MYH10: variants seen among roughly 807,000 people sequenced by gnomAD.
MYH10 encodes myosin-10.
In MYH10, 55 loss-of-function variants were observed where a neutral mutation model predicts 257.8. The ratio of observed to expected loss-of-function variants is 0.21; its 90% CI spans 0.17 to 0.27. The LOEUF (loss-of-function observed/expected upper bound fraction) is 0.27. Among genes scored for constraint, MYH10 ranks in the 10% least tolerant of loss-of-function variants. The pLI is 1.00. For missense variants in MYH10, 1,631 were observed against 2,500.6 expected (o/e 0.65, Z 7.42); for synonymous variants, 854 against 921.7 (o/e 0.93, Z 1.33).
Position 8,500,755 on chromosome 17 carries a change from G to A in MYH10, c.3744+71C>T. On this transcript the variant is annotated intron_variant, in intron 29 of 42. Transcript: ENST00000360416. ...ATCAATACATGACTGAACAGAACGGGCAGATAGGATGGGAGTGGCTCTGAC... is the reference window on the plus strand; with the variant it reads ...ATCAATACATGACTGAACAGAACGGACAGATAGGATGGGAGTGGCTCTGAC... 3 of 1,546,128 alleles carry A rather than the reference G, an allele frequency of 1.9e-6. 1 individual carries two copies. The highest frequency in any genetic ancestry group is 2.6e-6 in the Non-Finnish European group (3 of 1,145,818).
rs112386912 is a variant in MYH10 at position 8,601,354 on chromosome 17, G to C, written c.502+3472C>G. 9.1e-3 allele frequency among the ~76,000 whole-genome samples: 1,383 copies of C among 152,292 alleles called. 31 individuals are homozygous for C. The highest frequency in any genetic ancestry group is 0.031 in the African/African-American group (1,293 of 41,542). ...CTAAATTCAGTTCCTAACACACAGT[G>C]TTGCAAATGAGAAGCCCGATGCTAC... On this transcript the variant is annotated intron_variant, in intron 3 of 42. Coordinates refer to ENST00000360416, the MANE Select transcript of MYH10 (RefSeq NM_001256012.3).
chr17:8,585,035 G>A (rs1239876462), intron 4 of MYH10, among the ~76,000 whole-genome samples: 2 of 151,658 alleles, frequency 1.3e-5, no homozygotes, highest in Non-Finnish European at 2.9e-5. Flanking sequence ...TAGAGACGGG[G>A]TTTCTCTATG....
intron 4 of MYH10, among the ~76,000 whole-genome samples, chr17:8,582,700 A>G (rs1004020142): frequency 1.3e-5 from 2 of 152,240 alleles, no homozygotes; most frequent in Admixed American, 6.5e-5. Flanking sequence ...TGCAATCCAA[A>G]ACAAAAACAT....
chr17:8,555,224 A>G (rs1394042860), intron 7 of MYH10, among the ~76,000 whole-genome samples: 1 of 152,248 alleles, frequency 6.6e-6, no homozygotes, highest in Non-Finnish European at 1.5e-5. Flanking sequence ...ACTAGTAAAC[A>G]TACCAGTATT....
At chr17:8,618,573 G>A (rs2085350780) in intron 2 of MYH10, among the ~76,000 whole-genome samples, 1 of 152,284 alleles carries the variant, frequency 6.6e-6, no homozygotes, top group East Asian at 1.9e-4. Flanking sequence ...TAGATGTAGT[G>A]TAGCATCTGA....
intron 3 of MYH10, among the ~76,000 whole-genome samples, chr17:8,592,334 GAAA>G (rs771264914): frequency 4.0e-5 from 6 of 150,010 alleles, no homozygotes; most frequent in Non-Finnish European, 5.9e-5. Flanking sequence ...ACAGAAAAAA[GAAA>G]AAAAAATCAA....
At position 8,569,778 on chromosome 17, in the gene MYH10, G is replaced by A; in HGVS notation, c.698C>T (p.Pro233Leu). The change falls in exon 7 of 43, where the codon CCA becomes CTA. Residue 233 changes from proline (P) to leucine (L), a missense_variant. This residue lies in a region of MYH10 where 360 missense variants were observed against 581.9 expected (regional missense o/e 0.62). Coordinates refer to ENST00000360416, the MANE Select transcript of MYH10 (RefSeq NM_001256012.3). This position sits in a 1 kb window ranked among gnomAD's most constrained non-coding sequence, Gnocchi z 4.1. ...ELERQLLQAN[P>L]ILESFGNAKT... The stretch of plus-strand genomic sequence containing the variant: ...CGCATTTCCAAATGATTCCAGAATT[G>A]GATTTGCTTGCAAAAGCTGCCGTTC... 1 of 1,611,782 alleles carries A rather than the reference G, an allele frequency of 6.2e-7. No homozygotes were observed. Among genetic ancestry groups the A allele is most frequent in the South Asian group, 1.1e-5 (1 of 90,404 alleles).
chr17:8,576,005 GA>G (rs2083484514), intron 6 of MYH10, among the ~76,000 whole-genome samples: 1 of 152,166 alleles, frequency 6.6e-6, no homozygotes, highest in Non-Finnish European at 1.5e-5. Context: ...TTATAGAGAT[GA>G]GGTCTTGCTC....
Position 8,630,708 on chromosome 17 carries a change from AGCGC to A in MYH10, c.-90_-87del, listed in dbSNP as rs1333257404. On this transcript the variant is annotated 5_prime_UTR_variant, in exon 1 of 43. Coordinates refer to ENST00000360416, the MANE Select transcript of MYH10 (RefSeq NM_001256012.3). ...CGTCCCCAGCCGCGACCACAGATCCAGCGCCTCAGTCCCAAACCCACCGCTGCCT... is the reference window on the plus strand; with the variant it reads ...CGTCCCCAGCCGCGACCACAGATCCACTCAGTCCCAAACCCACCGCTGCCT... The A allele has an allele frequency of 6.6e-6, 1 of 152,626 alleles. No homozygotes were observed. The highest frequency in any genetic ancestry group is 1.5e-5 in the Non-Finnish European group (1 of 68,794). 9.5% of individuals were successfully genotyped at this position (152,626 alleles called of 1,614,324 possible).
In MYH10 at chr17:8,475,753, G is replaced by C. The variant is rs774900726; in HGVS notation, c.*51C>G. 6.3e-7 allele frequency: 1 copy of C among 1,580,206 alleles called. No individual in the cohort carries two copies. Among genetic ancestry groups the C allele is most frequent in the Non-Finnish European group, 8.6e-7 (1 of 1,160,186 alleles). On this transcript the variant is annotated 3_prime_UTR_variant, in exon 43 of 43. Transcript: ENST00000360416. Reference sequence around the variant, plus strand: ...TTTCCGAAATCTGCAGGAGGCCCCGGGTGCATTCCTAACTGTCCCACTGTA... The same window carrying C: ...TTTCCGAAATCTGCAGGAGGCCCCGCGTGCATTCCTAACTGTCCCACTGTA...
intron 13 of MYH10, among the ~76,000 whole-genome samples, chr17:8,543,480 G>GTT (rs11392715): frequency 0.023 from 3,237 of 140,854 alleles, 43 homozygotes; most frequent in Non-Finnish European, 0.031. Flanking sequence ...TACAAAGAAG[G>GTT]TTTTTTTTTT....
At chr17:8,527,826 G>C (rs2081897459) in intron 17 of MYH10, among the ~76,000 whole-genome samples, 1 of 152,220 alleles carries the variant, frequency 6.6e-6, no homozygotes, top group Admixed American at 6.5e-5. Context: ...TCCTCGGTGA[G>C]TTTCCAACTA....
intron 9 of MYH10, among the ~76,000 whole-genome samples, chr17:8,550,555 G>A (rs879820049): frequency 3.5e-4 from 53 of 151,718 alleles, no homozygotes; most frequent in Non-Finnish European, 6.6e-4. Context: ...CGCCCTGCCC[G>A]GGAGGTGAGG....
intron 1 of MYH10, among the ~76,000 whole-genome samples, chr17:8,625,445 C>A (rs148849585): frequency 6.7e-4 from 102 of 151,904 alleles, no homozygotes; most frequent in African/African-American, 2.4e-3. Flanking sequence ...ATCCCAGAGT[C>A]CCTGATTCAG....
intron 16 of MYH10, among the ~76,000 whole-genome samples, chr17:8,531,247 G>A (rs1450297938): frequency 2.0e-5 from 3 of 152,018 alleles, no homozygotes; most frequent in Non-Finnish European, 4.4e-5. Flanking sequence ...GTAGCAAAAT[G>A]TTAAAATAAT....
At chr17:8,585,969 G>A (rs1375956957) in intron 4 of MYH10, among the ~76,000 whole-genome samples, 1 of 152,164 alleles carries the variant, frequency 6.6e-6, no homozygotes, top group Non-Finnish European at 1.5e-5. Flanking sequence ...CCACTAAAGT[G>A]GTATGAAAAT....
intron 7 of MYH10, among the ~76,000 whole-genome samples, chr17:8,568,762 G>T (rs2083241913): frequency 6.6e-6 from 1 of 152,048 alleles, no homozygotes; most frequent in Admixed American, 6.6e-5. Flanking sequence ...GAGATGATTT[G>T]CTGTGACAGT....
chr17:8,540,892 T>A (rs940852984), intron 14 of MYH10, among the ~76,000 whole-genome samples: 1 of 152,184 alleles, frequency 6.6e-6, no homozygotes, highest in African/African-American at 2.4e-5. Flanking sequence ...TACCTGGAAG[T>A]CACTACAAGC....
At chr17:8,581,750 A>G (rs2083716197) in intron 4 of MYH10, among the ~76,000 whole-genome samples, 1 of 152,232 alleles carries the variant, frequency 6.6e-6, no homozygotes, top group Non-Finnish European at 1.5e-5. Flanking sequence ...ATGACATTCA[A>G]TAAACATTAT....
Sources: gnomAD v4.1 joint callset for allele counts (sites outside exome capture counted in the v4.1 genomes callset) on GRCh38, gnomAD v4.1.1 for gene constraint, gnomAD v4.1.1 regional missense constraint, Gnocchi (gnomAD v3.1) non-coding constraint, MANE v1.5 for transcripts, NCBI Gene and HGNC (gene_info 2026-07-23, HGNC 2026-07-21) for gene names.